ANKRD55: variants seen among roughly 807,000 people sequenced by gnomAD.
ANKRD55 encodes ankyrin repeat domain 55.
Under a neutral mutation model 60.6 loss-of-function variants are expected in ANKRD55, and 41 were observed. That is an observed-to-expected ratio of 0.68 (90% CI 0.53 to 0.88). ANKRD55 has a LOEUF of 0.88. Among genes scored for constraint, ANKRD55 ranks in the 40% least tolerant of loss-of-function variants. ANKRD55 has a pLI of 0.00. For missense variants in ANKRD55, 732 were observed against 767.6 expected (o/e 0.95, Z 0.55); for synonymous variants, 264 against 290.3 (o/e 0.91, Z 0.92).
intron 6 of ANKRD55, among the ~76,000 whole-genome samples, chr5:56,154,855 C>T (rs1361235764): frequency 2.6e-5 from 4 of 152,130 alleles, no homozygotes; most frequent in Admixed American, 2.6e-4. Flanking sequence ...TCCCAAAGTG[C>T]TGGGATTACA....
At chr5:56,220,113 G>A (rs1759923547) in intron 2 of ANKRD55, among the ~76,000 whole-genome samples, 1 of 152,224 alleles carries the variant, frequency 6.6e-6, no homozygotes, top group Non-Finnish European at 1.5e-5. Flanking sequence ...AGATGTGGTT[G>A]CCCAAGTGAG....
In ANKRD55 at chr5:56,222,108, C is replaced by T. The variant is rs535901358; in HGVS notation, c.58+10748G>A. 2.0e-5 allele frequency among the ~76,000 whole-genome samples: 3 copies of T among 151,926 alleles called. No homozygotes were observed. In the Admixed American group the frequency reaches 2.0e-4, roughly 10 times the overall value. ...GGAGGCACCTCCCAGTAGGGGCTGA[C>T]TGACACCTCATATAGCCAGGTGCCT... On this transcript the variant is annotated intron_variant, in intron 2 of 11. Coordinates refer to ENST00000341048, the MANE Select transcript of ANKRD55 (RefSeq NM_024669.3).
At chr5:56,139,403 C>T (rs1757694810) in intron 7 of ANKRD55, among the ~76,000 whole-genome samples, 1 of 152,120 alleles carries the variant, frequency 6.6e-6, no homozygotes, top group Admixed American at 6.5e-5. Context: ...CCAATTTTAA[C>T]AAAGTTCTAG....
chr5:56,228,841 C>G (rs899585029), intron 2 of ANKRD55, among the ~76,000 whole-genome samples: 3 of 152,216 alleles, frequency 2.0e-5, no homozygotes, highest in Non-Finnish European at 1.5e-5. Flanking sequence ...GAGACAATCA[C>G]ACACTCTATT....
intron 11 of ANKRD55, among the ~76,000 whole-genome samples, chr5:56,102,005 A>T (rs161205): frequency 0.23 from 34,380 of 151,282 alleles, 4,396 homozygotes; most frequent in Middle Eastern, 0.39. Context: ...TTATTTTTTT[A>T]AAAAAAATAA....
rs775076549 is a variant in ANKRD55 at position 56,100,140 on chromosome 5, A to G, written c.*43T>C. ...GAGTAATCTTGTCCTTTGAGAGTTG[A>G]AAATACATATTCATCTACATTTCTG... On this transcript the variant is annotated 3_prime_UTR_variant, in exon 12 of 12. Transcript: ENST00000341048. 3 of 1,613,304 alleles carry G rather than the reference A, an allele frequency of 1.9e-6. No individual in the cohort carries two copies. The highest frequency in any genetic ancestry group is 2.5e-6 in the Non-Finnish European group (3 of 1,179,564).
At chr5:56,203,971 A>G (rs1306867948) in intron 2 of ANKRD55, among the ~76,000 whole-genome samples, 2 of 151,782 alleles carry the variant, frequency 1.3e-5, no homozygotes, top group Admixed American at 6.6e-5. Context: ...AAGTGTTCCT[A>G]TTTCTCCACA....
intron 2 of ANKRD55, among the ~76,000 whole-genome samples, chr5:56,186,026 G>A (rs1043435122): frequency 6.6e-6 from 1 of 152,250 alleles, no homozygotes; most frequent in African/African-American, 2.4e-5. Context: ...AGAAGTGAAA[G>A]AGGAGGGGTG....
chr5:56,195,561 A>T (rs1759209771), intron 2 of ANKRD55, among the ~76,000 whole-genome samples: 2 of 152,134 alleles, frequency 1.3e-5, no homozygotes, highest in South Asian at 4.1e-4. Flanking sequence ...CTCCTGCCTC[A>T]GCCTCCCGAG....
Position 56,232,806 on chromosome 5 carries a change from T to G in ANKRD55, c.58+50A>C, listed in dbSNP as rs375175658. The G allele has an allele frequency of 7.3e-5, 113 of 1,551,756 alleles. 2 individuals are homozygous for G. The Middle Eastern group carries it at 1.3e-3, about 19-fold the overall frequency. On this transcript the variant is annotated intron_variant, in intron 2 of 11. Coordinates refer to ENST00000341048, the MANE Select transcript of ANKRD55 (RefSeq NM_024669.3). ...TCCTTACAACTGTAAATCCATACCA[T>G]GAGACTAAGGATGCTAACAACCAAA...
In ANKRD55 at chr5:56,118,121, C is replaced by T. The variant is rs537062225; in HGVS notation, c.798-1339G>A. 2.2e-3 allele frequency among the ~76,000 whole-genome samples: 330 copies of T among 151,840 alleles called. 2 individuals carry two copies. The highest frequency in any genetic ancestry group is 6.6e-3 in the African/African-American group (275 of 41,396). On this transcript the variant is annotated intron_variant, in intron 8 of 11. Coordinates refer to ENST00000341048, the MANE Select transcript of ANKRD55 (RefSeq NM_024669.3). The stretch of plus-strand genomic sequence containing the variant: ...TCATACCACTGCACTCCATCATGGG[C>T]GACAGAGCAAGACTCTGTCTCAAAA...
intron 4 of ANKRD55, among the ~76,000 whole-genome samples, chr5:56,173,582 C>CTATATATATATA (rs1182603115): frequency 3.5e-4 from 16 of 45,226 alleles, no homozygotes; most frequent in Admixed American, 1.1e-3. Context: ...CTCTCTCTCT[C>CTATATATATATA]TATATATATA....
chr5:56,138,415 C>T (rs564556103), intron 7 of ANKRD55, among the ~76,000 whole-genome samples: 4 of 152,246 alleles, frequency 2.6e-5, no homozygotes, highest in African/African-American at 7.2e-5. Context: ...TGTGAGCCAA[C>T]GTGCCTGGTC....
In ANKRD55 at chr5:56,230,135, C is replaced by T. The variant is rs188321999; in HGVS notation, c.58+2721G>A. On this transcript the variant is annotated intron_variant, in intron 2 of 11. Transcript: ENST00000341048. The stretch of plus-strand genomic sequence containing the variant: ...TTTTTGAGACAGAGTCTTGCTCTGT[C>T]GCCAGGTTGGAGTGCAGTGGCCTGA... Among the ~76,000 whole-genome samples, 523 of 152,112 alleles carry T rather than the reference C, an allele frequency of 3.4e-3. 2 individuals carry two copies. Among genetic ancestry groups the T allele is most frequent in the African/African-American group, 0.012 (508 of 41,480 alleles).
At chr5:56,108,999 T>C (rs1360611028) in intron 10 of ANKRD55, among the ~76,000 whole-genome samples, 2 of 150,144 alleles carry the variant, frequency 1.3e-5, no homozygotes, top group Non-Finnish European at 2.9e-5. Flanking sequence ...ATCATGCCAC[T>C]ACACTCCAGC....
In ANKRD55 at chr5:56,165,281, C is replaced by A. The variant is rs1758419476; in HGVS notation, c.423-5388G>T. Among the ~76,000 whole-genome samples the A allele has an allele frequency of 2.0e-5, 3 of 152,174 alleles. No individual in the cohort carries two copies. In the South Asian group the frequency reaches 6.2e-4, roughly 31 times the overall value. On this transcript the variant is annotated intron_variant, in intron 5 of 11. Coordinates refer to ENST00000341048, the MANE Select transcript of ANKRD55 (RefSeq NM_024669.3). Reference sequence around the variant, plus strand: ...ACACCCCAACAACCATTGCAGTAAACCTGTGTGCCCGGCAGTAGGATGTAG... The same window carrying A: ...ACACCCCAACAACCATTGCAGTAAAACTGTGTGCCCGGCAGTAGGATGTAG...
intron 7 of ANKRD55, among the ~76,000 whole-genome samples, chr5:56,143,460 A>G (rs1757821155): frequency 6.6e-6 from 1 of 152,150 alleles, no homozygotes; most frequent in Non-Finnish European, 1.5e-5. Flanking sequence ...GCAAGAAGAG[A>G]GTCAGAGAGT....
At chr5:56,176,016 T>C in intron 4 of ANKRD55, 136 bp downstream of exon 4, 1 of 1,132,740 alleles carries the variant, frequency 8.8e-7, no homozygotes, top group Admixed American at 2.3e-5. Context: ...TTGAAGATGA[T>C]TGGAGTAAAG....
intron 3 of ANKRD55, among the ~76,000 whole-genome samples, chr5:56,182,567 C>A (rs1451582311): frequency 6.6e-6 from 1 of 152,100 alleles, no homozygotes; most frequent in Non-Finnish European, 1.5e-5. Context: ...ATTCTAACAT[C>A]TCTTTCATTG....
Sources: allele counts gnomAD v4.1 joint callset (sites outside exome capture counted in the v4.1 genomes callset), GRCh38; gene constraint gnomAD v4.1.1; transcripts MANE v1.5; gene names NCBI Gene and HGNC (gene_info 2026-07-23, HGNC 2026-07-21).